Variants in FRS2 observed in about 807,000 individuals in gnomAD.
The protein encoded by FRS2 is FGFR signalling adaptor.
Under a neutral mutation model 43.9 loss-of-function variants are expected in FRS2, and 8 were observed. That is an observed-to-expected ratio of 0.18 (90% CI 0.11 to 0.33). The LOEUF is 0.33. Ranked by LOEUF, FRS2 falls within the 10% of genes least tolerant of loss-of-function variation. The pLI is 1.00. For synonymous variants in FRS2, 219 were observed against 220.3 expected, an observed-to-expected ratio of 0.99 and a Z score of 0.05; for missense variants, 534 against 627.6, an observed-to-expected ratio of 0.85 and a Z score of 1.59.
rs1037376468 is a variant in FRS2 at position 69,481,548 on chromosome 12, A to G, written c.-261+11018A>G. Among the ~76,000 whole-genome samples the G allele has an allele frequency of 3.3e-5, 5 of 152,106 alleles. No individual in the cohort carries two copies. The East Asian group carries it at 9.6e-4, about 29-fold the overall frequency. On this transcript the variant is annotated intron_variant, in intron 1 of 8. Transcript: ENST00000549921. ...CAAGCTATCCTGTCTCGGCCTCCCA[A>G]AGTGCTGGAATTACAGGCATAAGCC...
chr12:69,493,475 C>T (rs555483838), intron 1 of FRS2, among the ~76,000 whole-genome samples: 12 of 152,356 alleles, frequency 7.9e-5, no homozygotes, highest in African/African-American at 2.9e-4. Context: ...GATCCCAGCA[C>T]TTTGGAAGGC....
At chr12:69,573,229 A>G (rs935002377) in intron 8 of FRS2, among the ~76,000 whole-genome samples, 2 of 152,196 alleles carry the variant, frequency 1.3e-5, no homozygotes, top group Non-Finnish European at 2.9e-5. Flanking sequence ...ATATATATGC[A>G]TTTTACAGAA....
At chr12:69,530,533 G>GTTC (rs1447263564) in intron 1 of FRS2, among the ~76,000 whole-genome samples, 1 of 152,088 alleles carries the variant, frequency 6.6e-6, no homozygotes, top group Non-Finnish European at 1.5e-5. Flanking sequence ...GAGTGCAGGA[G>GTTC]TTCAAGACTA....
intron 1 of FRS2, among the ~76,000 whole-genome samples, chr12:69,527,896 G>C (rs1443038286): frequency 6.6e-6 from 1 of 152,098 alleles, no homozygotes; most frequent in Non-Finnish European, 1.5e-5. Flanking sequence ...CCAACTTTTG[G>C]AACCCCTGCT....
At chr12:69,479,165 A>G (rs181150539) in intron 1 of FRS2, among the ~76,000 whole-genome samples, 21 of 152,202 alleles carry the variant, frequency 1.4e-4, no homozygotes, top group African/African-American at 5.1e-4. Flanking sequence ...TGTGAAGTAC[A>G]TCTTTTAGAA....
Position 69,569,002 on chromosome 12 carries a change from T to C in FRS2, c.-26-3T>C, listed in dbSNP as rs1426089035. ...AAATTTTTCCAAATTATTTTTCATG[T>C]AGTGCACACATGGTCTTCTGAAGAA... On this transcript the variant is annotated splice_polypyrimidine_tract_variant and splice_region_variant and intron_variant, in intron 4 of 8. Transcript: ENST00000549921. The C allele has an allele frequency of 6.7e-7, 1 of 1,490,554 alleles. No individual in the cohort carries two copies. The highest frequency in any genetic ancestry group is 2.3e-5 in the East Asian group (1 of 43,930). 92.3% of individuals were successfully genotyped at this position (1,490,554 alleles called of 1,614,324 possible). A position where few individuals can be genotyped will look rare whatever the true frequency, so the allele number is the denominator to read the frequency against.
intron 1 of FRS2, among the ~76,000 whole-genome samples, chr12:69,479,965 T>C (rs1311278269): frequency 1.3e-5 from 2 of 152,222 alleles, no homozygotes; most frequent in Non-Finnish European, 2.9e-5. Context: ...TTAACCTGTC[T>C]TTTATATTGT....
chr12:69,526,871 G>A (rs953299971), intron 1 of FRS2, among the ~76,000 whole-genome samples: 2 of 152,034 alleles, frequency 1.3e-5, no homozygotes, highest in Admixed American at 6.5e-5. Context: ...CTACAGGCGC[G>A]TGCCACCACG....
intron 1 of FRS2, among the ~76,000 whole-genome samples, chr12:69,523,950 C>G (rs1454298906): frequency 6.6e-6 from 1 of 152,224 alleles, no homozygotes; most frequent in Non-Finnish European, 1.5e-5. Context: ...GGTCCTTGTA[C>G]TCGTTTGCAC....
chr12:69,539,577 T>C (rs1336334715), intron 3 of FRS2, among the ~76,000 whole-genome samples: 1 of 152,084 alleles, frequency 6.6e-6, no homozygotes, highest in African/African-American at 2.4e-5. Flanking sequence ...TGTGGTGTCA[T>C]GTTGGTGCTC....
At chr12:69,539,460 A>G (rs568894274) in intron 3 of FRS2, among the ~76,000 whole-genome samples, 9 of 152,280 alleles carry the variant, frequency 5.9e-5, no homozygotes, top group Admixed American at 1.3e-4. Context: ...TAAACACAAA[A>G]TTTATGTTTC....
At chr12:69,525,634 G>A (rs752017816) in intron 1 of FRS2, among the ~76,000 whole-genome samples, 12 of 151,978 alleles carry the variant, frequency 7.9e-5, no homozygotes, top group Non-Finnish European at 1.8e-4. Flanking sequence ...TTGAGAACGC[G>A]TGTCCTCTCT....
At chr12:69,499,162 CTA>C (rs35484667) in intron 1 of FRS2, among the ~76,000 whole-genome samples, 8,336 of 152,154 alleles carry the variant, frequency 0.055, 556 homozygotes, top group East Asian at 0.37. Context: ...CAATAGGAAA[CTA>C]TTAAAGATTG....
chr12:69,531,785 A>G (rs903300333), intron 2 of FRS2, among the ~76,000 whole-genome samples: 1 of 152,220 alleles, frequency 6.6e-6, no homozygotes, highest in African/African-American at 2.4e-5. Flanking sequence ...TAGCAAAATG[A>G]CTTGATATTT....
intron 3 of FRS2, among the ~76,000 whole-genome samples, chr12:69,534,282 A>G (rs576052694): frequency 6.6e-6 from 1 of 152,210 alleles, no homozygotes; most frequent in Non-Finnish European, 1.5e-5. Context: ...TATTTTAGGT[A>G]CCTTTTTGTT....
chr12:69,579,149 G>T lies in FRS2; in HGVS notation c.*4194G>T, dbSNP rs1024503014. 3.3e-5 allele frequency: 5 copies of T among 152,568 alleles called. No homozygotes were observed. Among genetic ancestry groups the T allele is most frequent in the African/African-American group, 1.2e-4 (5 of 41,412 alleles). The allele number at this position is 152,568 out of a possible 1,614,324, so 9.5% of individuals were successfully genotyped here. On this transcript the variant is annotated 3_prime_UTR_variant, in exon 9 of 9. Transcript: ENST00000549921. ...TATCAGTGCCAACTTCATACATTTT[G>T]TAGCATGGCAATAAAATATAACTTT...
chr12:69,471,450 A>T (rs1195200947), intron 1 of FRS2, among the ~76,000 whole-genome samples: 3 of 152,174 alleles, frequency 2.0e-5, no homozygotes, highest in African/African-American at 7.2e-5. Flanking sequence ...TTAAGGAAAA[A>T]TTGTTCTTGG....
Position 69,485,978 on chromosome 12 carries a change from C to G in FRS2, c.-261+15448C>G, listed in dbSNP as rs1871903803. 2.6e-5 allele frequency among the ~76,000 whole-genome samples: 4 copies of G among 152,152 alleles called. No individual in the cohort carries two copies. In the South Asian group the frequency reaches 6.2e-4, roughly 24 times the overall value. On this transcript the variant is annotated intron_variant, in intron 1 of 8. Coordinates refer to ENST00000549921, the MANE Select transcript of FRS2 (RefSeq NM_001278356.2). Reference sequence around the variant, plus strand: ...TTTAACTAGAATGTACATTCCTTCACTTTTTCCCTATAGGGTCAAGGTTTT... The same window carrying G: ...TTTAACTAGAATGTACATTCCTTCAGTTTTTCCCTATAGGGTCAAGGTTTT...
At chr12:69,534,979 A>G (rs924429456) in intron 3 of FRS2, among the ~76,000 whole-genome samples, 2 of 152,184 alleles carry the variant, frequency 1.3e-5, no homozygotes, top group African/African-American at 4.8e-5. Context: ...TCAGTCATAT[A>G]TACAGTATTA....
Sources: allele counts gnomAD v4.1 joint callset (sites outside exome capture counted in the v4.1 genomes callset), GRCh38; gene constraint gnomAD v4.1.1; transcripts MANE v1.5; gene names NCBI Gene and HGNC (gene_info 2026-07-23, HGNC 2026-07-21).